The following PTPRE variants were observed in gnomAD, a reference collection of about 807,000 sequenced individuals.
The protein encoded by PTPRE is protein tyrosine phosphatase receptor type E, also known as receptor-type tyrosine-protein phosphatase epsilon.
PTPRE carries 51 observed loss-of-function variants against 102.0 expected under a neutral mutation model. That is an observed-to-expected ratio of 0.50 (90% CI 0.40 to 0.63). PTPRE has a LOEUF of 0.63. Among genes scored for constraint, PTPRE ranks in the 30% least tolerant of loss-of-function variants. The probability of loss-of-function intolerance (pLI) is 0.00; values close to 1 mark genes in which losing one functional copy is unlikely to be tolerated. For synonymous variants in PTPRE, 345 were observed against 348.2 expected (o/e 0.99, Z 0.10); for missense variants, 752 against 915.1 (o/e 0.82, Z 2.30).
chr10:127,940,114 G>A (rs1488370869), intron 1 of PTPRE, among the ~76,000 whole-genome samples: 11 of 151,532 alleles, frequency 7.3e-5, no homozygotes, highest in Non-Finnish European at 1.3e-4. Flanking sequence ...AGGCAGATGT[G>A]AGCAGGTGGA....
intron 19 of PTPRE, 134 bp from the exon 20 acceptor site, chr10:128,079,426 A>T (rs1317915089): frequency 1.6e-6 from 2 of 1,222,474 alleles, no homozygotes; most frequent in East Asian, 2.4e-5. Context: ...GATCAAAAAA[A>T]AATTCAGTCA....
In PTPRE at chr10:128,038,892, T is replaced by A. The variant is rs189726651; in HGVS notation, c.-7-1983T>A. Among the ~76,000 whole-genome samples the A allele has an allele frequency of 3.8e-3, 579 of 152,330 alleles. 5 individuals are homozygous for A. The highest frequency in any genetic ancestry group is 2.9e-3 in the Non-Finnish European group (195 of 68,020). ...AATTCTGCAGGTTGTCGCCCATTGC[T>A]GGTCATGTCAGGAAAATCACCTGTG... On this transcript the variant is annotated intron_variant, in intron 2 of 20. Transcript: ENST00000254667.
chr10:127,971,787 G>C (rs781063385), intron 1 of PTPRE, among the ~76,000 whole-genome samples: 9 of 152,350 alleles, frequency 5.9e-5, no homozygotes, highest in Admixed American at 2.6e-4. Context: ...CCAGCCATGT[G>C]GGTGGCTCCC....
At chr10:127,993,221 A>G (rs1460989629) in intron 2 of PTPRE, among the ~76,000 whole-genome samples, 3 of 152,234 alleles carry the variant, frequency 2.0e-5, no homozygotes, top group Non-Finnish European at 4.4e-5. Flanking sequence ...TTTTCTTCTA[A>G]GACGTGGTTA....
At chr10:128,023,545 A>G (rs1251862703) in intron 2 of PTPRE, among the ~76,000 whole-genome samples, 1 of 152,202 alleles carries the variant, frequency 6.6e-6, no homozygotes, top group Non-Finnish European at 1.5e-5. Flanking sequence ...GTTGTTGTTA[A>G]TCTCTTACAG....
At position 128,070,940 on chromosome 10, in the gene PTPRE, G is replaced by A. The variant is rs149235539; in HGVS notation, c.1387+39G>A. 6.3e-6 allele frequency: 10 copies of A among 1,576,418 alleles called. No homozygotes were observed. The highest frequency in any genetic ancestry group is 4.0e-5 in the African/African-American group (3 of 74,196). ...GGCGTGGCTTGGGCAGGGCTGGGGC[G>A]GGGCTGGTGCCGGAGGCTTTCATCC... On this transcript the variant is annotated intron_variant, in intron 15 of 20. Coordinates refer to ENST00000254667, the MANE Select transcript of PTPRE (RefSeq NM_006504.6). This position sits in a 1 kb window ranked among gnomAD's most constrained non-coding sequence, Gnocchi z 4.8.
At chr10:127,939,818 A>G (rs1848093473) in intron 1 of PTPRE, among the ~76,000 whole-genome samples, 2 of 151,880 alleles carry the variant, frequency 1.3e-5, no homozygotes, top group Admixed American at 6.6e-5. Flanking sequence ...AGGAGGAGAC[A>G]GGAAGAAGCA....
intron 1 of PTPRE, 37 bp from the exon 2 acceptor site, chr10:127,982,237 C>T: frequency 8.1e-7 from 1 of 1,239,382 alleles, no homozygotes; most frequent in Non-Finnish European, 1.1e-6. Flanking sequence ...TCCTGTTAAC[C>T]AGAAAACTGA....
intron 1 of PTPRE, among the ~76,000 whole-genome samples, chr10:127,946,946 C>G (rs906781034): frequency 2.7e-5 from 4 of 149,914 alleles, no homozygotes; most frequent in Non-Finnish European, 5.9e-5. Flanking sequence ...GAGGATCCCT[C>G]GAGCTCAGGA....
At chr10:128,071,166 C>T (rs1455774493) in intron 15 of PTPRE, 6 of 480,926 alleles carry the variant, frequency 1.2e-5, no homozygotes, top group East Asian at 3.4e-5. Context: ...GGAGGGCAGC[C>T]GAGGCTGATT....
At position 128,069,756 on chromosome 10, in the gene PTPRE, G is replaced by C; in HGVS notation, c.1072G>C (p.Glu358Gln). The C allele has an allele frequency of 1.9e-6, 3 of 1,614,214 alleles. No individual in the cohort carries two copies. The highest frequency in any genetic ancestry group is 1.7e-6 in the Non-Finnish European group (2 of 1,180,044). The stretch of plus-strand genomic sequence containing the variant: ...TGCCATGATGGCCATGATGCACGCG[G>C]AGCAGAAGGTGGATGTGTTTGAATT... ...IDAMMAMMHAEQKVDVFEFVS... is the reference protein window; with the variant it reads ...IDAMMAMMHAQQKVDVFEFVS... Residue 358 changes from glutamate to glutamine, a missense_variant, in exon 13 of 21, where the codon GAG becomes CAG. By Grantham distance (29) the Glu-to-Gln change is conservative. This residue lies in a region of PTPRE where 636 missense variants were observed against 824.4 expected (regional missense o/e 0.77). Coordinates refer to ENST00000254667, the MANE Select transcript of PTPRE (RefSeq NM_006504.6).
chr10:128,054,648 G>T (rs1300996466), intron 6 of PTPRE, among the ~76,000 whole-genome samples: 2 of 151,590 alleles, frequency 1.3e-5, no homozygotes, highest in Non-Finnish European at 3.0e-5. Context: ...ATGGGGTTTG[G>T]TGGCCCCAAA....
Position 128,047,745 on chromosome 10 carries a change from C to T in PTPRE, c.210-19C>T, listed in dbSNP as rs775432608. ...GGAACCTAGAAGTGTGGAAACCTAA[C>T]GCATCCTGTGTCTCTAAGGTTCAGG... On this transcript the variant is annotated intron_variant, in intron 4 of 20. Coordinates refer to ENST00000254667, the MANE Select transcript of PTPRE (RefSeq NM_006504.6). 1.3e-5 allele frequency: 21 copies of T among 1,611,800 alleles called. No individual in the cohort carries two copies. The highest frequency in any genetic ancestry group is 6.7e-5 in the African/African-American group (5 of 74,884).
At chr10:128,079,168 C>T (rs1851482394) in intron 19 of PTPRE, among the ~76,000 whole-genome samples, 1 of 152,150 alleles carries the variant, frequency 6.6e-6, no homozygotes, top group Admixed American at 6.5e-5. Flanking sequence ...TTACCTCCTT[C>T]CTAGACCTGA....
chr10:127,968,825 C>A (rs1375857438), intron 1 of PTPRE, among the ~76,000 whole-genome samples: 1 of 152,188 alleles, frequency 6.6e-6, no homozygotes, highest in Admixed American at 6.5e-5. Flanking sequence ...ATGCCAGCTC[C>A]CTTTCCCTGG....
At chr10:127,947,862 G>C (rs1467775530) in intron 1 of PTPRE, among the ~76,000 whole-genome samples, 1 of 152,196 alleles carries the variant, frequency 6.6e-6, no homozygotes, top group Non-Finnish European at 1.5e-5. Context: ...AGGGAAGTAG[G>C]TCAGGGAGTG....
intron 2 of PTPRE, among the ~76,000 whole-genome samples, chr10:127,990,737 C>G (rs1852560969): frequency 6.6e-6 from 1 of 152,226 alleles, no homozygotes; most frequent in South Asian, 2.1e-4. Flanking sequence ...GAAAGCAGCA[C>G]TGGCCTAGGG....
chr10:128,025,158 C>CAAAAAAA (rs71472683), intron 2 of PTPRE, among the ~76,000 whole-genome samples: 22 of 65,668 alleles, frequency 3.4e-4, no homozygotes, highest in South Asian at 7.0e-4. Context: ...GATCCTGTCT[C>CAAAAAAA]AAAAAAAAAA....
At chr10:127,994,276 C>G (rs1853019953) in intron 2 of PTPRE, among the ~76,000 whole-genome samples, 1 of 152,164 alleles carries the variant, frequency 6.6e-6, no homozygotes, top group African/African-American at 2.4e-5. Flanking sequence ...AGCCAGAGCT[C>G]TCTTCTCTGA....
Sources: gnomAD v4.1 joint callset for allele counts (sites outside exome capture counted in the v4.1 genomes callset) on GRCh38, gnomAD v4.1.1 for gene constraint, gnomAD v4.1.1 regional missense constraint, Gnocchi (gnomAD v3.1) non-coding constraint, MANE v1.5 for transcripts, NCBI Gene and HGNC (gene_info 2026-07-23, HGNC 2026-07-21) for gene names.